Variants in TRMT1L observed in about 807,000 individuals in gnomAD.
The protein encoded by TRMT1L is tRNA (guanine(27)-N(2))-dimethyltransferase.
In TRMT1L, 28 loss-of-function variants were observed where a neutral mutation model predicts 81.6. The observed-to-expected ratio is 0.34, with a 90% CI of 0.25 to 0.47. TRMT1L has a LOEUF of 0.47. Among genes scored for constraint, TRMT1L ranks in the 20% least tolerant of loss-of-function variants. TRMT1L has a pLI of 1.00. For synonymous variants in TRMT1L, 301 were observed against 303.2 expected (o/e 0.99, Z 0.07); for missense variants, 739 against 877.1 (o/e 0.84, Z 1.99).
At chr1:185,126,333 C>T (rs569788387) in intron 11 of TRMT1L, among the ~76,000 whole-genome samples, 5 of 152,206 alleles carry the variant, frequency 3.3e-5, no homozygotes, top group South Asian at 2.1e-4. Context: ...CTTGCTCTGT[C>T]GCCCAGGCTA....
chr1:185,147,340 T>G lies in TRMT1L; in HGVS notation c.461-94A>C, dbSNP rs74134422. The G allele has an allele frequency of 3.0e-3, 2,646 of 878,226 alleles. 54 individuals are homozygous for G. In the African/African-American group the frequency reaches 0.039, roughly 13 times the overall value. The allele number at this position is 878,226 out of a possible 1,614,324, so 54.4% of individuals were successfully genotyped here. On this transcript the variant is annotated intron_variant, in intron 3 of 14. Coordinates refer to ENST00000367506, the MANE Select transcript of TRMT1L (RefSeq NM_030934.5). ...AGTTTTATTTTATAAGAATTGGTAT[T>G]ACCCTTACATTTGTAATGTCATAAT...
chr1:185,143,480 C>T lies in TRMT1L; in HGVS notation c.780-44G>A, dbSNP rs376868030. 1.7e-5 allele frequency: 26 copies of T among 1,528,470 alleles called. No individual in the cohort carries two copies. In the African/African-American group the frequency reaches 3.2e-4, roughly 19 times the overall value. 94.7% of individuals were successfully genotyped at this position (1,528,470 alleles called of 1,614,324 possible). A position where few individuals can be genotyped will look rare whatever the true frequency, so the allele number is the denominator to read the frequency against. ...CTGAAATAACTTTACCATGGCTTCA[C>T]CATCATAGATTTTATTTCATTTAAG... On this transcript the variant is annotated intron_variant, in intron 6 of 14. Transcript: ENST00000367506.
rs1652456856 is a variant in TRMT1L at position 185,119,977 on chromosome 1, G to A, written c.*42C>T. 7 of 1,591,456 alleles carry A rather than the reference G, an allele frequency of 4.4e-6. No individual in the cohort carries two copies. Among genetic ancestry groups the A allele is most frequent in the Non-Finnish European group, 6.0e-6 (7 of 1,166,932 alleles). ...CTACAGTTGGTATAGAGAACTATTA[G>A]GCCATCTATACAGACACCTGAGAAC... On this transcript the variant is annotated 3_prime_UTR_variant, in exon 15 of 15. Transcript: ENST00000367506.
At chr1:185,143,657 A>G (rs1305509261) in intron 6 of TRMT1L, among the ~76,000 whole-genome samples, 1 of 152,146 alleles carries the variant, frequency 6.6e-6, no homozygotes, top group African/African-American at 2.4e-5. Context: ...ATTTATTTAT[A>G]AAGAAAACTT....
chr1:185,143,382 T>G lies in TRMT1L; in HGVS notation c.834A>C (p.Glu278Asp). The G allele has an allele frequency of 6.2e-7, 1 of 1,610,016 alleles. No individual in the cohort carries two copies. Among genetic ancestry groups the G allele is most frequent in the East Asian group, 2.2e-5 (1 of 44,520 alleles). ...AALAEERKPLECLDAFGATGI... is the reference protein window; with the variant it reads ...AALAEERKPLDCLDAFGATGI... ...CAGTGGCTCCAAAAGCATCTAGACA[T>G]TCCAAAGGTTTTCGTTCCTCAGCCA... The change falls in exon 7 of 15, where the codon GAA (glutamate) becomes GAC (aspartate). Residue 278 changes from glutamate to aspartate, a missense_variant. Around this residue, in one of 4 missense-constraint regions of TRMT1L, gnomAD observed 331 missense variants for 462.2 expected, o/e 0.72. Transcript: ENST00000367506.
intron 3 of TRMT1L, among the ~76,000 whole-genome samples, chr1:185,149,310 T>C (rs1288053585): frequency 2.6e-5 from 4 of 151,826 alleles, no homozygotes; most frequent in Non-Finnish European, 4.4e-5. Context: ...TCCTCTTTTT[T>C]TTTTTTTTTT....
In TRMT1L at chr1:185,156,490, C is replaced by T; in HGVS notation, c.223G>A (p.Glu75Lys). The change falls in exon 1 of 15, where the codon GAG becomes AAG. Residue 75 changes from glutamate to lysine, a missense_variant. Coordinates refer to ENST00000367506, the MANE Select transcript of TRMT1L (RefSeq NM_030934.5). ...LSPSLASAPE[E>K]AKSKRHISIQ... ...CTTCTGCACTTACTGCTTTTAGCCT[C>T]CTCAGGGGCAGAGGCTAGGGACGGG... 2 of 1,613,942 alleles carry T rather than the reference C, an allele frequency of 1.2e-6. No homozygotes were observed. The highest frequency in any genetic ancestry group is 1.7e-4 in the Middle Eastern group (1 of 6,058).
intron 2 of TRMT1L, 40 bp from the exon 3 acceptor site, chr1:185,150,532 T>G: frequency 2.4e-5 from 32 of 1,339,740 alleles, no homozygotes; most frequent in Non-Finnish European, 2.9e-5. Context: ...CAGAATATTC[T>G]AGTTATTAAT....
chr1:185,120,551 A>G, intron 13 of TRMT1L, 42 bp from the exon 14 acceptor site: 2 of 1,476,388 alleles, frequency 1.4e-6, no homozygotes, highest in South Asian at 1.5e-5. Context: ...CTTAAAAATT[A>G]CAAGCCAAAT....
chr1:185,143,792 AT>A, intron 6 of TRMT1L, 113 bp downstream of exon 6: 1 of 911,770 alleles, frequency 1.1e-6, no homozygotes, highest in Non-Finnish European at 1.5e-6. Flanking sequence ...AAAACAGATG[AT>A]TTTTATTCTG....
Position 185,140,225 on chromosome 1 carries a change from T to C in TRMT1L, c.860-3A>G, listed in dbSNP as rs530157664. The C allele has an allele frequency of 1.2e-5, 19 of 1,589,220 alleles. No individual in the cohort carries two copies. The highest frequency in any genetic ancestry group is 1.6e-5 in the Non-Finnish European group (19 of 1,167,558). ...TGCCCACTGTAATCCCATTATCCCTTAGGAAAAATGGGAAGAAAATGAGTT... is the reference window on the plus strand; with the variant it reads ...TGCCCACTGTAATCCCATTATCCCTCAGGAAAAATGGGAAGAAAATGAGTT... On this transcript the variant is annotated splice_polypyrimidine_tract_variant and splice_region_variant and intron_variant, in intron 7 of 14. Transcript: ENST00000367506.
intron 1 of TRMT1L, among the ~76,000 whole-genome samples, chr1:185,154,456 ACTT>A (rs1653440822): frequency 5.3e-5 from 8 of 152,318 alleles, no homozygotes; most frequent in Admixed American, 6.5e-5. Flanking sequence ...AACAGGTAAA[ACTT>A]CTTCATGTTT....
At chr1:185,157,463 G>GA (rs1653698421), upstream of TRMT1L, 1 of 152,672 alleles carries the variant, frequency 6.5e-6, no homozygotes, top group Non-Finnish European at 1.5e-5. Flanking sequence ...CGGGTCCGGG[G>GA]ACGAGCCAGC....
rs1250249468 is a variant in TRMT1L at position 185,143,992 on chromosome 1, C to T, written c.693G>A (p.Glu231=). The part of the protein sequence containing the change: ...TAKPPKEILK[E]ADTDVQVCPN... ...GACAAACTTGTACATCCGTGTCTGC[C>T]TCTTTCAAAATTTCCTTAGGTGGTT... Residue 231 remains glutamate, a synonymous_variant, in exon 6 of 15, where the codon GAG becomes GAA. Transcript: ENST00000367506. 8 of 1,608,814 alleles carry T rather than the reference C, an allele frequency of 5.0e-6. No individual in the cohort carries two copies. The highest frequency in any genetic ancestry group is 6.8e-6 in the Non-Finnish European group (8 of 1,176,930).
chr1:185,156,880 C>G lies in TRMT1L; in HGVS notation c.-168G>C. 1 of 922,370 alleles carries G rather than the reference C, an allele frequency of 1.1e-6. No homozygotes were observed. Among genetic ancestry groups the G allele is most frequent in the African/African-American group, 1.7e-5 (1 of 57,322 alleles). 57.1% of individuals were successfully genotyped at this position (922,370 alleles called of 1,614,324 possible). A position where few individuals can be genotyped will look rare whatever the true frequency, so the allele number is the denominator to read the frequency against. ...AAGATGAAGAACCAGTGACCAAATCCTGTTAGTAGAAAACAGAAAGCCAGA... is the reference window on the plus strand; with the variant it reads ...AAGATGAAGAACCAGTGACCAAATCGTGTTAGTAGAAAACAGAAAGCCAGA... On this transcript the variant is annotated 5_prime_UTR_variant, in exon 1 of 15. Coordinates refer to ENST00000367506, the MANE Select transcript of TRMT1L (RefSeq NM_030934.5).
At chr1:185,143,269 T>A in intron 7 of TRMT1L, 88 bp downstream of exon 7, 1 of 1,210,370 alleles carries the variant, frequency 8.3e-7, no homozygotes, top group South Asian at 1.6e-5. Context: ...TTAATTTTTT[T>A]ACATCACTGC....
chr1:185,156,380 C>T (rs1653565365), intron 1 of TRMT1L, 98 bp downstream of exon 1: 2 of 1,611,416 alleles, frequency 1.2e-6, no homozygotes, highest in Non-Finnish European at 1.7e-6. Context: ...ACCTGCCTTG[C>T]CCCATAAAAA....
rs769120497 is a variant in TRMT1L, at chr1:185,139,613, CATATT to C, written c.1110-39_1110-35del. The C allele has an allele frequency of 6.8e-6, 10 of 1,465,728 alleles. No individual in the cohort carries two copies. The South Asian group carries it at 1.0e-4, about 15-fold the overall frequency. The allele number at this position is 1,465,728 out of a possible 1,614,324, so 90.8% of individuals were successfully genotyped here. On this transcript the variant is annotated intron_variant, in intron 8 of 14. Coordinates refer to ENST00000367506, the MANE Select transcript of TRMT1L (RefSeq NM_030934.5). ...AGAAAGAATATAGACATTTTAAAGT[CATATT>C]AGTAACAAAAATTATACCACTGTAA...
intron 11 of TRMT1L, among the ~76,000 whole-genome samples, chr1:185,128,251 C>T (rs937452787): frequency 2.6e-5 from 4 of 152,180 alleles, no homozygotes; most frequent in African/African-American, 7.2e-5. Flanking sequence ...CAAAGGCAGA[C>T]ACTTTCACAT....
Sources: allele counts gnomAD v4.1 joint callset (sites outside exome capture counted in the v4.1 genomes callset), GRCh38; gene constraint gnomAD v4.1.1; regional missense constraint gnomAD v4.1.1; transcripts MANE v1.5; gene names NCBI Gene and HGNC (gene_info 2026-07-23, HGNC 2026-07-21).